Variants in STPG2 observed in about 807,000 individuals in gnomAD.
STPG2 encodes the protein sperm-tail PG-rich repeat-containing protein 2.
STPG2 carries 56 observed loss-of-function variants against 54.2 expected under a neutral mutation model. The ratio of observed to expected loss-of-function variants is 1.03; its 90% CI spans 0.83 to 1.29. The LOEUF (loss-of-function observed/expected upper bound fraction) is 1.29, where lower values mean the gene tolerates loss of function less well. STPG2 is among the 50% of genes most tolerant of loss of function. STPG2 has a pLI of 0.00. For synonymous variants in STPG2, 200 were observed against 181.8 expected, an observed-to-expected ratio of 1.10 and a Z score of -0.81; for missense variants, 596 against 544.9, an observed-to-expected ratio of 1.09 and a Z score of -0.93.
Position 98,106,079 on chromosome 4 carries a change from AAT to A in STPG2, c.501-17_501-16del. The A allele has an allele frequency of 1.4e-6, 2 of 1,380,420 alleles. No homozygotes were observed. The highest frequency in any genetic ancestry group is 2.0e-6 in the Non-Finnish European group (2 of 1,020,776). 85.5% of individuals were successfully genotyped at this position (1,380,420 alleles called of 1,614,324 possible). On this transcript the variant is annotated splice_polypyrimidine_tract_variant and intron_variant, in intron 4 of 10. Transcript: ENST00000295268. ...ATGTCTTTTTCCTTCAGAAAATTCAAATAGAAATTAAGAATTCTCAATTTTAA... is the reference window on the plus strand; with the variant it reads ...ATGTCTTTTTCCTTCAGAAAATTCAAAGAAATTAAGAATTCTCAATTTTAA...
At chr4:97,613,530 G>A (rs537108520) in intron 10 of STPG2, among the ~76,000 whole-genome samples, 21 of 151,078 alleles carry the variant, frequency 1.4e-4, no homozygotes, top group Admixed American at 1.3e-4. Flanking sequence ...ATGCACGTGC[G>A]TGTGTGTGTA....
intron 8 of STPG2, among the ~76,000 whole-genome samples, chr4:97,905,584 A>G (rs1176248617): frequency 6.6e-6 from 1 of 152,170 alleles, no homozygotes; most frequent in Non-Finnish European, 1.5e-5. Context: ...TCATAATGAC[A>G]GGATCAAATT....
intron 4 of STPG2, among the ~76,000 whole-genome samples, chr4:97,549,661 T>C (rs1331990727): frequency 6.6e-6 from 1 of 152,106 alleles, no homozygotes; most frequent in African/African-American, 2.4e-5. Context: ...AATCTAACAA[T>C]AAGTTCCTTA....
chr4:97,943,706 A>G (rs1733082325), intron 8 of STPG2, among the ~76,000 whole-genome samples, 191 bp downstream of exon 8: 3 of 152,192 alleles, frequency 2.0e-5, no homozygotes, highest in South Asian at 2.1e-4. Flanking sequence ...TCTCTCATAT[A>G]GCAATTCTGG....
intron 4 of STPG2, among the ~76,000 whole-genome samples, chr4:97,494,441 C>G (rs539428829): frequency 6.6e-6 from 1 of 151,638 alleles, no homozygotes; most frequent in African/African-American, 2.4e-5. Flanking sequence ...TTTAGAATTG[C>G]TGTGAACCTG....
chr4:97,475,281 C>A (rs983843915), intron 4 of STPG2, among the ~76,000 whole-genome samples: 2 of 151,636 alleles, frequency 1.3e-5, no homozygotes, highest in African/African-American at 4.8e-5. Flanking sequence ...ATTAATATTT[C>A]TTTGCCAAAT....
intron 10 of STPG2, among the ~76,000 whole-genome samples, chr4:97,614,490 C>G (rs756072502): frequency 2.4e-4 from 37 of 152,150 alleles, no homozygotes; most frequent in African/African-American, 8.4e-4. Context: ...CTAACTTTCT[C>G]GAAACACTCT....
intron 10 of STPG2, among the ~76,000 whole-genome samples, chr4:97,597,200 T>C (rs952004320): frequency 2.6e-5 from 4 of 152,078 alleles, no homozygotes; most frequent in African/African-American, 9.7e-5. Context: ...CTCCTGAGAA[T>C]GCGCTAGGAA....
intron 5 of STPG2, among the ~76,000 whole-genome samples, chr4:97,982,067 G>A (rs1201108018): frequency 1.3e-5 from 2 of 151,606 alleles, no homozygotes; most frequent in Admixed American, 6.6e-5. Flanking sequence ...TGTATTTTTA[G>A]TAGAAACGGG....
chr4:97,569,358 T>A (rs539438276), intron 10 of STPG2, among the ~76,000 whole-genome samples: 1 of 152,138 alleles, frequency 6.6e-6, no homozygotes, highest in African/African-American at 2.4e-5. Flanking sequence ...ACCATCTTGG[T>A]TTTGGCCAGC....
chr4:97,636,735 A>T (rs1335958910), intron 10 of STPG2, among the ~76,000 whole-genome samples: 1 of 152,240 alleles, frequency 6.6e-6, no homozygotes, highest in African/African-American at 2.4e-5. Flanking sequence ...TAAACTAGAA[A>T]ATCTAGAAGA....
At chr4:97,702,403 G>A (rs1228797914) in intron 10 of STPG2, among the ~76,000 whole-genome samples, 1 of 152,118 alleles carries the variant, frequency 6.6e-6, no homozygotes. Flanking sequence ...AAAAATTCAA[G>A]CAGTTTTTTC....
intron 8 of STPG2, among the ~76,000 whole-genome samples, chr4:97,860,337 T>C (rs1729479220): frequency 6.6e-6 from 1 of 152,128 alleles, no homozygotes. Flanking sequence ...ATTTTCGGAA[T>C]ATTGATTCCA....
chr4:97,901,677 C>A (rs998283672), intron 8 of STPG2, among the ~76,000 whole-genome samples: 3 of 151,688 alleles, frequency 2.0e-5, no homozygotes, highest in South Asian at 4.2e-4. Context: ...ATAGAAGATA[C>A]AAATAAATGA....
intron 4 of STPG2, among the ~76,000 whole-genome samples, chr4:97,496,750 T>C (rs1408468728): frequency 6.6e-6 from 1 of 151,698 alleles, no homozygotes; most frequent in Non-Finnish European, 1.5e-5. Context: ...GTGAATCATT[T>C]CTCTTATCTA....
chr4:97,859,313 G>A (rs1578629380), intron 8 of STPG2, among the ~76,000 whole-genome samples: 1 of 152,156 alleles, frequency 6.6e-6, no homozygotes, highest in East Asian at 1.9e-4. Flanking sequence ...TTTGTTGAAT[G>A]CATAGTTTTC....
chr4:97,709,453 T>C (rs1724045043), intron 10 of STPG2, among the ~76,000 whole-genome samples: 1 of 151,498 alleles, frequency 6.6e-6, no homozygotes, highest in Non-Finnish European at 1.5e-5. Context: ...TTGAGATTTT[T>C]CAAGCAATTA....
At chr4:98,031,177 A>G (rs1372182306) in intron 5 of STPG2, among the ~76,000 whole-genome samples, 2 of 152,214 alleles carry the variant, frequency 1.3e-5, no homozygotes, top group Admixed American at 6.5e-5. Flanking sequence ...TCAACAAATG[A>G]TGCTAGGATA....
intron 5 of STPG2, chr4:98,048,525 T>C: frequency 6.0e-6 from 1 of 165,418 alleles, no homozygotes; most frequent in Non-Finnish European, 1.4e-5. Flanking sequence ...TTCCCTGGGC[T>C]GTCTCCTCCG....
Sources: allele counts gnomAD v4.1 joint callset (sites outside exome capture counted in the v4.1 genomes callset), GRCh38; gene constraint gnomAD v4.1.1; transcripts MANE v1.5; gene names NCBI Gene and HGNC (gene_info 2026-07-23, HGNC 2026-07-21).